The following CTNNA3 variants were observed in gnomAD, a reference collection of about 807,000 sequenced individuals.
CTNNA3 encodes the protein catenin alpha 3.
A neutral mutation model predicts 95.7 loss-of-function variants in CTNNA3; 76 were observed. The observed-to-expected ratio is 0.79, with a 90% CI of 0.66 to 0.96. CTNNA3 has a LOEUF of 0.96. Ranked by LOEUF, CTNNA3 falls within the 40% of genes least tolerant of loss-of-function variation. The pLI, the probability that CTNNA3 is intolerant of heterozygous loss-of-function variation, is 0.00. For synonymous variants in CTNNA3, 431 were observed against 374.4 expected (o/e 1.15, Z -1.74); for missense variants, 1,191 against 1,089.8 (o/e 1.09, Z -1.31).
At chr10:67,187,352 T>A (rs1159811353) in intron 6 of CTNNA3, among the ~76,000 whole-genome samples, 1 of 152,112 alleles carries the variant, frequency 6.6e-6, no homozygotes, top group Non-Finnish European at 1.5e-5. Flanking sequence ...GATATAGGAT[T>A]CAAATCCAAT....
intron 5 of CTNNA3, among the ~76,000 whole-genome samples, chr10:67,233,855 A>C (rs576473759): frequency 5.6e-4 from 86 of 152,284 alleles, no homozygotes; most frequent in African/African-American, 1.9e-3. Flanking sequence ...ACAGAAATAG[A>C]AACTACCATC....
chr10:66,941,008 C>T (rs1263633683), intron 7 of CTNNA3, among the ~76,000 whole-genome samples: 7 of 152,114 alleles, frequency 4.6e-5, no homozygotes, highest in Non-Finnish European at 1.0e-4. Flanking sequence ...ACCTTCTCCA[C>T]CTGTAATTTA....
In CTNNA3 at chr10:67,114,827, T is replaced by A. The variant is rs1589755332; in HGVS notation, c.1047+65490A>T. 2.6e-5 allele frequency among the ~76,000 whole-genome samples: 4 copies of A among 151,756 alleles called. No individual in the cohort carries two copies. In the East Asian group the frequency reaches 7.8e-4, roughly 29 times the overall value. ...AAGAATCAGCCCTGAAGGGTACAAT[T>A]CAATTACCTCTTTTTTTAAAAAAAT... On this transcript the variant is annotated intron_variant, in intron 7 of 17. Transcript: ENST00000433211.
At chr10:67,174,890 T>A (rs537113822) in intron 7 of CTNNA3, among the ~76,000 whole-genome samples, 3 of 152,256 alleles carry the variant, frequency 2.0e-5, no homozygotes, top group African/African-American at 7.2e-5. Flanking sequence ...TAGGATACTA[T>A]TTATTTCTTT....
At chr10:66,285,361 G>A (rs767429756) in intron 12 of CTNNA3, among the ~76,000 whole-genome samples, 3 of 151,770 alleles carry the variant, frequency 2.0e-5, no homozygotes, top group Non-Finnish European at 2.9e-5. Flanking sequence ...AGTCTCTCCA[G>A]TGACTTAGAA....
chr10:66,975,416 C>G (rs1849973486), intron 7 of CTNNA3, among the ~76,000 whole-genome samples: 1 of 152,260 alleles, frequency 6.6e-6, no homozygotes, highest in South Asian at 2.1e-4. Context: ...GTTCCCTGTT[C>G]AGATTGGCTT....
intron 11 of CTNNA3, among the ~76,000 whole-genome samples, chr10:66,473,290 C>T (rs958139836): frequency 6.6e-6 from 1 of 151,838 alleles, no homozygotes; most frequent in Non-Finnish European, 1.5e-5. Context: ...TTCTCCCATG[C>T]TGTTCTTGTG....
chr10:66,950,895 A>G (rs1404555222), intron 7 of CTNNA3, among the ~76,000 whole-genome samples: 1 of 152,134 alleles, frequency 6.6e-6, no homozygotes, highest in Non-Finnish European at 1.5e-5. Context: ...ATTGAGGTGT[A>G]ATCACATGAG....
chr10:67,298,690 C>T (rs376778233), intron 5 of CTNNA3, among the ~76,000 whole-genome samples: 9 of 152,154 alleles, frequency 5.9e-5, no homozygotes, highest in South Asian at 2.1e-4. Flanking sequence ...CATGTAAATG[C>T]AAACTACTTC....
intron 11 of CTNNA3, among the ~76,000 whole-genome samples, chr10:66,438,879 A>G (rs975660921): frequency 8.5e-5 from 13 of 152,120 alleles, no homozygotes; most frequent in Non-Finnish European, 1.3e-4. Context: ...GGAAAAGCAA[A>G]GTATATGGGC....
At chr10:65,963,783 C>A (rs1277985687) in intron 17 of CTNNA3, among the ~76,000 whole-genome samples, 1 of 152,104 alleles carries the variant, frequency 6.6e-6, no homozygotes. Flanking sequence ...CATGCAACTT[C>A]AAGATGAGTG....
At chr10:67,389,673 AGCAAAT>A (rs1198760333) in intron 5 of CTNNA3, among the ~76,000 whole-genome samples, 2 of 144,866 alleles carry the variant, frequency 1.4e-5, no homozygotes, top group East Asian at 4.1e-4. Context: ...AGCTCTCCTC[AGCAAAT>A]GTAAAAGAAC....
chr10:66,349,591 C>G (rs535690471), intron 12 of CTNNA3, among the ~76,000 whole-genome samples: 1 of 152,078 alleles, frequency 6.6e-6, no homozygotes, highest in Non-Finnish European at 1.5e-5. Flanking sequence ...TTCACAACTA[C>G]GCTAACTTTT....
At chr10:67,727,927 ATAT>A (rs1348146895) in intron 1 of CTNNA3, among the ~76,000 whole-genome samples, 5 of 132,668 alleles carry the variant, frequency 3.8e-5, no homozygotes, top group Middle Eastern at 4.2e-3. Context: ...TATATATTAC[ATAT>A]TATATTATGT....
chr10:66,923,388 C>T (rs1287654178), intron 7 of CTNNA3, among the ~76,000 whole-genome samples: 1 of 152,170 alleles, frequency 6.6e-6, no homozygotes. Context: ...GAGTGGCTCT[C>T]TGCAGCTCTT....
intron 16 of CTNNA3, among the ~76,000 whole-genome samples, chr10:65,971,076 G>A (rs1208359650): frequency 1.3e-5 from 2 of 150,824 alleles, no homozygotes; most frequent in Admixed American, 1.3e-4. Context: ...GGTAAACAAT[G>A]AAATTAAGGC....
rs1482899098 is a variant in CTNNA3 at position 66,859,653 on chromosome 10, A to G, written c.1048-84129T>C. On this transcript the variant is annotated intron_variant, in intron 7 of 17. Transcript: ENST00000433211. ...ACTGGAAATACCATGTGACCCAGCC[A>G]TCCCATTACTGGGTATATACCCAAA... 3.5e-5 allele frequency among the ~76,000 whole-genome samples: 5 copies of G among 143,164 alleles called. No homozygotes were observed. In the East Asian group the frequency reaches 9.7e-4, roughly 28 times the overall value. 93.9% of individuals were successfully genotyped at this position (143,164 alleles called of 152,430 possible).
intron 7 of CTNNA3, among the ~76,000 whole-genome samples, chr10:66,828,126 G>A (rs1262947122): frequency 6.6e-6 from 1 of 152,180 alleles, no homozygotes; most frequent in Non-Finnish European, 1.5e-5. Context: ...CTATTGTGAG[G>A]GGTATAATTC....
At chr10:66,345,594 A>C (rs1237137016) in intron 12 of CTNNA3, among the ~76,000 whole-genome samples, 1 of 152,128 alleles carries the variant, frequency 6.6e-6, no homozygotes. Context: ...CTGTACCCAA[A>C]GAAGGTGGAA....
Sources: gnomAD v4.1 joint callset for allele counts (sites outside exome capture counted in the v4.1 genomes callset) on GRCh38, gnomAD v4.1.1 for gene constraint, MANE v1.5 for transcripts, NCBI Gene and HGNC (gene_info 2026-07-23, HGNC 2026-07-21) for gene names.